Variants in ACCSL observed in about 807,000 individuals in gnomAD.
ACCSL encodes 1-aminocyclopropane-1-carboxylate synthase homolog (inactive) like, also known as probable inactive 1-aminocyclopropane-1-carboxylate synthase-like protein 2.
A neutral mutation model predicts 61.7 loss-of-function variants in ACCSL; 55 were observed. The observed-to-expected ratio is 0.89, with a 90% CI of 0.72 to 1.12. The LOEUF (loss-of-function observed/expected upper bound fraction) is 1.12. Among genes scored for constraint, ACCSL ranks in the 50% most tolerant of loss-of-function variants. The pLI is 0.00. For missense variants in ACCSL, 632 were observed against 698.0 expected (o/e 0.91, Z 1.07); for synonymous variants, 258 against 264.3 (o/e 0.98, Z 0.23).
the ACCSL span, among the ~76,000 whole-genome samples, chr11:44,020,620 T>C: frequency 6.6e-6 from 1 of 152,176 alleles, no homozygotes; most frequent in Non-Finnish European, 1.5e-5. Context: ...GTACATTATA[T>C]TGATTTTTTT....
chr11:44,022,778 C>T, the ACCSL span, among the ~76,000 whole-genome samples: 20,956 of 152,028 alleles, frequency 0.14, 1,694 homozygotes, highest in East Asian at 0.29. Flanking sequence ...TATATTCATA[C>T]GAGGTATTGG....
chr11:44,023,474 A>C, the ACCSL span, among the ~76,000 whole-genome samples: 1 of 151,602 alleles, frequency 6.6e-6, no homozygotes, highest in Non-Finnish European at 1.5e-5. Flanking sequence ...GATCCTTTTT[A>C]TTTCTGTATG....
Position 44,053,515 on chromosome 11 carries a change from T to A in ACCSL, c.1049+9T>A. 1 of 1,604,274 alleles carries A rather than the reference T, an allele frequency of 6.2e-7. No individual in the cohort carries two copies. The highest frequency in any genetic ancestry group is 2.2e-5 in the East Asian group (1 of 44,848). Reference sequence around the variant, plus strand: ...CTGGAATTTGCCAAGAGGTATGAGTTCTACCCCTTGAGACTAGGTAATGTT... The same window carrying A: ...CTGGAATTTGCCAAGAGGTATGAGTACTACCCCTTGAGACTAGGTAATGTT... On this transcript the variant is annotated intron_variant, in intron 8 of 13. Coordinates refer to ENST00000378832, the MANE Select transcript of ACCSL (RefSeq NM_001031854.2).
the ACCSL span, among the ~76,000 whole-genome samples, chr11:44,002,282 G>A: frequency 6.6e-5 from 10 of 152,066 alleles, no homozygotes; most frequent in South Asian, 2.1e-4. Flanking sequence ...GCCTGGCCTC[G>A]AAGGATTCTC....
At position 44,050,606 on chromosome 11, in the gene ACCSL, T is replaced by C. The variant is rs369120327; in HGVS notation, c.619T>C (p.Trp207Arg). 108 of 1,613,980 alleles carry C rather than the reference T, an allele frequency of 6.7e-5. No individual in the cohort carries two copies. The highest frequency in any genetic ancestry group is 9.2e-5 in the Non-Finnish European group (108 of 1,179,996). The change falls in exon 3 of 14, where the codon TGG (tryptophan) becomes CGG (arginine). Residue 207 changes from tryptophan to arginine, a missense_variant. Transcript: ENST00000378832. Reference sequence around the variant, plus strand: ...GGACACCTTGCTTCAGTACCCTGATTGGAGAGGGCAGCCATTGTAAGTGAC... The same window carrying C: ...GGACACCTTGCTTCAGTACCCTGATCGGAGAGGGCAGCCATTGTAAGTGAC... ...IEDTLLQYPD[W>R]RGQPFLREEV...
chr11:43,932,032 A>C, the ACCSL span, among the ~76,000 whole-genome samples: 1 of 152,256 alleles, frequency 6.6e-6, no homozygotes, highest in Admixed American at 6.5e-5. Flanking sequence ...AAGTGGGCCC[A>C]TAAGGATGAC....
chr11:43,923,961 C>G, the ACCSL span, among the ~76,000 whole-genome samples: 3 of 152,204 alleles, frequency 2.0e-5, no homozygotes, highest in East Asian at 5.8e-4. Context: ...GTCACGCTCT[C>G]TCAGCACAAG....
chr11:43,968,969 C>G, the ACCSL span, among the ~76,000 whole-genome samples: 2 of 152,320 alleles, frequency 1.3e-5, no homozygotes, highest in Admixed American at 6.5e-5. Flanking sequence ...GCACTGCCTA[C>G]TGCCCTTAGA....
At chr11:44,039,076 G>A in the ACCSL span, among the ~76,000 whole-genome samples, 1 of 152,058 alleles carries the variant, frequency 6.6e-6, no homozygotes, top group African/African-American at 2.4e-5. Flanking sequence ...TCTAATAGGT[G>A]CCCGGTGGAT....
the ACCSL span, among the ~76,000 whole-genome samples, chr11:43,960,071 G>T: frequency 6.6e-6 from 1 of 152,086 alleles, no homozygotes; most frequent in Non-Finnish European, 1.5e-5. Context: ...GGTCTTCTAG[G>T]GGGCATTCGG....
At chr11:44,033,437 T>G in the ACCSL span, among the ~76,000 whole-genome samples, 1 of 152,068 alleles carries the variant, frequency 6.6e-6, no homozygotes, top group African/African-American at 2.4e-5. Context: ...AATGAGCAGA[T>G]GAATTCAGTG....
the ACCSL span, among the ~76,000 whole-genome samples, chr11:44,012,740 G>GT: frequency 2.0e-5 from 3 of 152,316 alleles, no homozygotes; most frequent in Admixed American, 1.3e-4. Flanking sequence ...TCATTGCAGT[G>GT]TTTTTTATGC....
chr11:43,942,992 C>G, the ACCSL span: 1 of 1,506,202 alleles, frequency 6.6e-7, no homozygotes, highest in Non-Finnish European at 8.9e-7. Flanking sequence ...CGACGAGTTC[C>G]CGCAGCCCGT....
the ACCSL span, among the ~76,000 whole-genome samples, chr11:43,966,822 C>T: frequency 6.6e-6 from 1 of 152,102 alleles, no homozygotes; most frequent in Non-Finnish European, 1.5e-5. Context: ...GGACAACTTT[C>T]CCTGGCACAT....
chr11:43,943,810 C>T, the ACCSL span: 1 of 1,302,632 alleles, frequency 7.7e-7, no homozygotes. The surrounding 1 kb of genome is among the most constrained non-coding windows in gnomAD (Gnocchi z 4.8). Flanking sequence ...ATTTATTTAA[C>T]GATCTTTTTA....
At chr11:43,934,122 C>G in the ACCSL span, among the ~76,000 whole-genome samples, 2 of 152,118 alleles carry the variant, frequency 1.3e-5, no homozygotes, top group African/African-American at 4.8e-5. Flanking sequence ...CTGTCTCTCT[C>G]TCCCTCTCCT....
the ACCSL span, among the ~76,000 whole-genome samples, chr11:43,959,816 C>G: frequency 7.9e-5 from 12 of 152,182 alleles, no homozygotes; most frequent in Non-Finnish European, 1.8e-4. Context: ...AGAACCTTCT[C>G]TGAGACCACA....
chr11:43,959,450 G>A, the ACCSL span, among the ~76,000 whole-genome samples: 3,694 of 152,332 alleles, frequency 0.024, 45 homozygotes, highest in South Asian at 0.045. Flanking sequence ...TTCCTGCTGG[G>A]TCTCTTGATT....
At chr11:44,008,592 T>C in the ACCSL span, among the ~76,000 whole-genome samples, 1 of 152,242 alleles carries the variant, frequency 6.6e-6, no homozygotes, top group Admixed American at 6.5e-5. Context: ...GGACCGGCTG[T>C]ATGACCGCGA....
Sources: gnomAD v4.1 joint callset for allele counts (sites outside exome capture counted in the v4.1 genomes callset) on GRCh38, gnomAD v4.1.1 for gene constraint, Gnocchi (gnomAD v3.1) non-coding constraint, MANE v1.5 for transcripts, NCBI Gene and HGNC (gene_info 2026-07-23, HGNC 2026-07-21) for gene names.